Variants in PPM1H observed in about 807,000 individuals in gnomAD.
The protein encoded by PPM1H is protein phosphatase 1H.
PPM1H carries 27 observed loss-of-function variants against 54.9 expected under a neutral mutation model. The ratio of observed to expected loss-of-function variants is 0.49; its 90% CI spans 0.36 to 0.68. The LOEUF (loss-of-function observed/expected upper bound fraction) is 0.68, where lower values mean the gene tolerates loss of function less well. Among genes scored for constraint, PPM1H ranks in the 30% least tolerant of loss-of-function variants. The pLI, the probability that PPM1H is intolerant of heterozygous loss-of-function variation, is 0.00. For missense variants in PPM1H, 596 were observed against 667.8 expected (o/e 0.89, Z 1.19); for synonymous variants, 305 against 270.8 (o/e 1.13, Z -1.24).
intron 1 of PPM1H, among the ~76,000 whole-genome samples, chr12:62,851,750 G>A (rs1338693841): frequency 6.6e-6 from 1 of 152,020 alleles, no homozygotes; most frequent in Non-Finnish European, 1.5e-5. Context: ...ACAACTGAAG[G>A]TGACTATTAT....
rs1046697339 is a variant in PPM1H, at chr12:62,802,751, T to G, written c.412-591A>C. Among the ~76,000 whole-genome samples the G allele has an allele frequency of 4.6e-5, 7 of 152,174 alleles. 1 individual carries two copies. The Middle Eastern group carries it at 0.014, about 296-fold the overall frequency. On this transcript the variant is annotated intron_variant, in intron 2 of 9. Transcript: ENST00000228705. ...CGTGCCACCACACCAGGCTAATTTT[T>G]TTTTGTATTTTTAGTAGAGATGGGG...
At chr12:62,714,499 C>A (rs544107517) in intron 6 of PPM1H, among the ~76,000 whole-genome samples, 141 of 152,218 alleles carry the variant, frequency 9.3e-4, no homozygotes, top group Non-Finnish European at 1.9e-3. Context: ...ACTGCCATCT[C>A]TGGAATCTTT....
intron 5 of PPM1H, among the ~76,000 whole-genome samples, chr12:62,731,046 T>G (rs1053391075): frequency 1.3e-5 from 2 of 152,218 alleles, no homozygotes; most frequent in African/African-American, 4.8e-5. Flanking sequence ...CTTGTATATA[T>G]AAGCTATTAC....
chr12:62,797,606 C>A (rs1190815784), intron 3 of PPM1H, among the ~76,000 whole-genome samples: 1 of 151,888 alleles, frequency 6.6e-6, no homozygotes, highest in African/African-American at 2.4e-5. Flanking sequence ...GTGGGCATTT[C>A]AAAAAACCAA....
rs1005672035 is a variant in PPM1H, at chr12:62,830,417, G to A, written c.411+1697C>T. Among the ~76,000 whole-genome samples the A allele has an allele frequency of 2.1e-4, 32 of 151,776 alleles. 1 individual carries two copies. The highest frequency in any genetic ancestry group is 5.8e-4 in the African/African-American group (24 of 41,390). On this transcript the variant is annotated intron_variant, in intron 2 of 9. Coordinates refer to ENST00000228705, the MANE Select transcript of PPM1H (RefSeq NM_020700.2). ...ACTACAGGCACCCGCCACCATGCCC[G>A]GCTAATTTTTTGTATTTTTAGTAGA...
At chr12:62,681,446 C>T (rs760568150) in intron 8 of PPM1H, among the ~76,000 whole-genome samples, 2 of 152,122 alleles carry the variant, frequency 1.3e-5, no homozygotes, top group Non-Finnish European at 2.9e-5. Flanking sequence ...CCCATGGTTA[C>T]GGCTAAGATA....
chr12:62,890,710 G>C (rs1870754544), intron 1 of PPM1H, among the ~76,000 whole-genome samples: 1 of 128,448 alleles, frequency 7.8e-6, no homozygotes. Flanking sequence ...CATTTCGTGT[G>C]TGTGTATACA....
chr12:62,851,822 G>A (rs577423580), intron 1 of PPM1H, among the ~76,000 whole-genome samples: 2 of 152,256 alleles, frequency 1.3e-5, no homozygotes, highest in East Asian at 3.9e-4. Context: ...GACCTATCTT[G>A]CTGAGAAAAA....
At chr12:62,742,694 TATAC>T (rs1242559916) in intron 4 of PPM1H, among the ~76,000 whole-genome samples, 1 of 152,180 alleles carries the variant, frequency 6.6e-6, no homozygotes, top group African/African-American at 2.4e-5. Flanking sequence ...GAGAGCTACG[TATAC>T]ACTCTGACCT....
intron 3 of PPM1H, among the ~76,000 whole-genome samples, chr12:62,790,892 G>A (rs572471739): frequency 3.5e-4 from 53 of 152,258 alleles, no homozygotes; most frequent in African/African-American, 5.5e-4. Flanking sequence ...AAGGACTGTC[G>A]TAAGGCTAAA....
In PPM1H at chr12:62,689,790, G is replaced by T. The variant is rs2076073464; in HGVS notation, c.1154C>A (p.Thr385Asn). Reference protein sequence around the residue: ...GEGKKARVMATIGVTRGLGDH... With the variant: ...GEGKKARVMANIGVTRGLGDH... The stretch of plus-strand genomic sequence containing the variant: ...CCCAAGTCCCCTGGTCACTCCAATA[G>T]TTGCCATTACCCGGGCCTAGGAGTA... The change falls in exon 8 of 10, where the codon ACT becomes AAT. Residue 385 changes from threonine (T) to asparagine (N), a missense_variant. Physicochemically the swap from Thr to Asn is moderately conservative, Grantham distance 65 (BLOSUM62 0). Transcript: ENST00000228705. The T allele has an allele frequency of 6.2e-7, 1 of 1,613,056 alleles. No individual in the cohort carries two copies. Among genetic ancestry groups the T allele is most frequent in the African/African-American group, 1.3e-5 (1 of 74,898 alleles).
chr12:62,722,856 T>C (rs1403339456), intron 5 of PPM1H, among the ~76,000 whole-genome samples: 1 of 152,194 alleles, frequency 6.6e-6, no homozygotes, highest in African/African-American at 2.4e-5. Context: ...ACAATATGTG[T>C]GTGTGCATGA....
At chr12:62,748,044 T>C (rs963801945) in intron 4 of PPM1H, among the ~76,000 whole-genome samples, 44 of 152,174 alleles carry the variant, frequency 2.9e-4, no homozygotes, top group Admixed American at 3.3e-4. Flanking sequence ...CAGGTAATGG[T>C]GTCCAGGAGT....
chr12:62,804,902 C>G (rs931734129), intron 2 of PPM1H, among the ~76,000 whole-genome samples: 1 of 151,836 alleles, frequency 6.6e-6, no homozygotes, highest in African/African-American at 2.4e-5. Flanking sequence ...GTCTCGATCT[C>G]CTGACCTCGT....
At chr12:62,760,556 C>A (rs143151588) in intron 4 of PPM1H, among the ~76,000 whole-genome samples, 10 of 152,210 alleles carry the variant, frequency 6.6e-5, no homozygotes, top group East Asian at 1.9e-4. Flanking sequence ...AGCTCTCCCC[C>A]ACCTGCTCAA....
chr12:62,899,504 C>A (rs1006345666), intron 1 of PPM1H, among the ~76,000 whole-genome samples: 1 of 152,190 alleles, frequency 6.6e-6, no homozygotes, highest in African/African-American at 2.4e-5. Context: ...GTCTGACTGA[C>A]AAACCTCAGA....
intron 9 of PPM1H, among the ~76,000 whole-genome samples, 186 bp downstream of exon 9, chr12:62,666,992 A>G (rs879064435): frequency 1.4e-4 from 21 of 152,198 alleles, no homozygotes; most frequent in Admixed American, 2.0e-4. Flanking sequence ...GATTATAGGC[A>G]TGAGACGCCA....
intron 4 of PPM1H, chr12:62,756,092 C>A: frequency 1.0e-6 from 1 of 984,008 alleles, no homozygotes; most frequent in Non-Finnish European, 1.6e-6. Context: ...TTAACAGCGA[C>A]ATCCACTCTT....
intron 4 of PPM1H, among the ~76,000 whole-genome samples, chr12:62,761,665 G>A (rs2076510293): frequency 6.6e-6 from 1 of 152,152 alleles, no homozygotes; most frequent in Non-Finnish European, 1.5e-5. Context: ...AAGGGATGGA[G>A]AAGGGTACTG....
Sources: gnomAD v4.1 joint callset for allele counts (sites outside exome capture counted in the v4.1 genomes callset) on GRCh38, gnomAD v4.1.1 for gene constraint, MANE v1.5 for transcripts, NCBI Gene and HGNC (gene_info 2026-07-23, HGNC 2026-07-21) for gene names.